The following FCHO2 variants were observed in gnomAD, a reference collection of about 807,000 sequenced individuals.
FCHO2 encodes the protein F-BAR domain only protein 2.
A neutral mutation model predicts 114.1 loss-of-function variants in FCHO2; 43 were observed. The ratio of observed to expected loss-of-function variants is 0.38; its 90% confidence interval spans 0.30 to 0.49. FCHO2 has a LOEUF of 0.49. FCHO2 is among the 20% of genes least tolerant of loss of function. The pLI is 0.97. For missense variants in FCHO2, 807 were observed against 950.4 expected, an observed-to-expected ratio of 0.85 and a Z score of 1.98; for synonymous variants, 293 against 315.2, an observed-to-expected ratio of 0.93 and a Z score of 0.75.
chr5:73,017,866 C>T (rs868614717), intron 8 of FCHO2, among the ~76,000 whole-genome samples: 10 of 152,082 alleles, frequency 6.6e-5, no homozygotes, highest in Admixed American at 3.3e-4. Flanking sequence ...TATAGGAATC[C>T]TGGCTCCTAT....
At chr5:73,004,284 T>C (rs1754599084) in intron 5 of FCHO2, among the ~76,000 whole-genome samples, 1 of 152,146 alleles carries the variant, frequency 6.6e-6, no homozygotes, top group South Asian at 2.1e-4. Context: ...TCCATTTCAT[T>C]TAGCTGTTAC....
At chr5:73,044,964 C>T (rs749757715) in intron 11 of FCHO2, among the ~76,000 whole-genome samples, 16 of 152,042 alleles carry the variant, frequency 1.1e-4, no homozygotes, top group Admixed American at 2.0e-4. Flanking sequence ...GTAATGGGTA[C>T]GTTTTTATTA....
At chr5:73,025,854 A>G (rs867940563) in intron 8 of FCHO2, among the ~76,000 whole-genome samples, 6 of 152,174 alleles carry the variant, frequency 3.9e-5, no homozygotes, top group South Asian at 4.1e-4. Context: ...CTAACCTTCA[A>G]TTGTTTTATA....
intron 5 of FCHO2, among the ~76,000 whole-genome samples, chr5:72,999,362 TC>T (rs1053482398): frequency 1.3e-5 from 2 of 150,184 alleles, no homozygotes; most frequent in African/African-American, 4.9e-5. Context: ...GTTATCTCAT[TC>T]ACTCATTCAC....
chr5:72,957,502 T>C (rs886232342), intron 1 of FCHO2, among the ~76,000 whole-genome samples: 1 of 152,234 alleles, frequency 6.6e-6, no homozygotes, highest in Admixed American at 6.5e-5. Flanking sequence ...AGCATAATGT[T>C]CTCAAAGTTT....
At chr5:72,976,159 T>G (rs2112626993) in intron 2 of FCHO2, among the ~76,000 whole-genome samples, 1 of 152,332 alleles carries the variant, frequency 6.6e-6, no homozygotes, top group South Asian at 2.1e-4. Context: ...TTCTAGATTT[T>G]GGCTGTTCCA....
At chr5:73,048,030 T>C (rs1247366415) in intron 11 of FCHO2, among the ~76,000 whole-genome samples, 1 of 152,146 alleles carries the variant, frequency 6.6e-6, no homozygotes, top group African/African-American at 2.4e-5. Flanking sequence ...AGATGAGATA[T>C]GACTATATTG....
At chr5:73,015,828 CGAATT>C in intron 7 of FCHO2, 104 bp downstream of exon 7, 2 of 518,782 alleles carry the variant, frequency 3.9e-6, no homozygotes, top group African/African-American at 2.0e-5. Context: ...AGTATAATAC[CGAATT>C]TTTCCAAATA....
At chr5:73,056,044 A>G (rs1209449165) in intron 15 of FCHO2, 21 bp from the exon 16 acceptor site, 1 of 1,449,888 alleles carries the variant, frequency 6.9e-7, no homozygotes. Context: ...TGAAGTTTTC[A>G]TATTTTAATT....
chr5:73,051,280 A>G (rs2112834324), intron 11 of FCHO2, 69 bp from the exon 12 acceptor site: 1 of 1,067,090 alleles, frequency 9.4e-7, no homozygotes, highest in East Asian at 2.7e-5. Context: ...ACCTGAGGCT[A>G]CTTTGATAAT....
At chr5:73,082,658 G>T (rs1743158904) in intron 23 of FCHO2, 103 bp from the exon 24 acceptor site, 2 of 880,934 alleles carry the variant, frequency 2.3e-6, no homozygotes. Context: ...CAATATATTT[G>T]TTGTAGTGAA....
chr5:72,964,007 C>G (rs185088226), intron 1 of FCHO2, among the ~76,000 whole-genome samples: 1 of 135,062 alleles, frequency 7.4e-6, no homozygotes, highest in South Asian at 2.5e-4. Context: ...CCTTCTGTCT[C>G]TTTGTAGGCA....
chr5:72,995,156 CTG>C (rs2112680688), intron 5 of FCHO2, among the ~76,000 whole-genome samples: 1 of 152,056 alleles, frequency 6.6e-6, no homozygotes, highest in Admixed American at 6.6e-5. Flanking sequence ...AAACAGAAAA[CTG>C]AAAATAATTT....
In FCHO2 at chr5:72,990,623, T is replaced by G. The variant is rs1414962084; in HGVS notation, c.342+4T>G. 2.0e-6 allele frequency: 3 copies of G among 1,527,766 alleles called. No individual in the cohort carries two copies. The South Asian group carries it at 3.8e-5, about 19-fold the overall frequency. 94.6% of individuals were successfully genotyped at this position (1,527,766 alleles called of 1,614,324 possible). A position where few individuals can be genotyped will look rare whatever the true frequency, so the allele number is the denominator to read the frequency against. On this transcript the variant is annotated splice_donor_region_variant and intron_variant, in intron 4 of 25. Coordinates refer to ENST00000430046, the MANE Select transcript of FCHO2 (RefSeq NM_138782.3). ...ACAAGTAAAGTCTCATAAAAAGGTA[T>G]CAGTTTTTTTCTTGTTAAATAATTG...
Position 73,061,219 on chromosome 5 carries a change from A to G in FCHO2, c.1346-2622A>G, listed in dbSNP as rs574587038. On this transcript the variant is annotated intron_variant, in intron 17 of 25. Transcript: ENST00000430046. ...GATCTTGTACTGACTATAAATAGTTACCTTTGCTCCTCTGGGAAAACAGGA... is the reference window on the plus strand; with the variant it reads ...GATCTTGTACTGACTATAAATAGTTGCCTTTGCTCCTCTGGGAAAACAGGA... Among the ~76,000 whole-genome samples, 22 of 152,156 alleles carry G rather than the reference A, an allele frequency of 1.4e-4. No homozygotes were observed. In the South Asian group the frequency reaches 3.9e-3, roughly 27 times the overall value.
At chr5:72,990,428 T>G in intron 3 of FCHO2, 50 bp from the exon 4 acceptor site, 9 of 1,398,046 alleles carry the variant, frequency 6.4e-6, no homozygotes, top group Non-Finnish European at 7.6e-6. Context: ...AGAACCTTAA[T>G]TTTCTTTTTT....
chr5:73,089,133 A>G lies in FCHO2; in HGVS notation c.*1043A>G, dbSNP rs1025570623. The G allele has an allele frequency of 6.6e-6, 1 of 152,558 alleles. No homozygotes were observed. Among genetic ancestry groups the G allele is most frequent in the African/African-American group, 2.4e-5 (1 of 41,444 alleles). The allele number at this position is 152,558 out of a possible 1,614,324, so 9.5% of individuals were successfully genotyped here. ...ATGGCATGTGTTTACAGGAAGAAAG[A>G]TTACCTTCAGATACTTGACATTAAC... On this transcript the variant is annotated 3_prime_UTR_variant, in exon 26 of 26. Transcript: ENST00000430046.
At chr5:73,031,221 A>G (rs912814025) in intron 8 of FCHO2, among the ~76,000 whole-genome samples, 32 of 152,166 alleles carry the variant, frequency 2.1e-4, no homozygotes, top group Non-Finnish European at 4.4e-5. Flanking sequence ...ATTGATTTCC[A>G]TTGTTATGAG....
At chr5:72,992,227 A>T (rs775752516) in intron 5 of FCHO2, among the ~76,000 whole-genome samples, 8 of 152,188 alleles carry the variant, frequency 5.3e-5, no homozygotes, top group Non-Finnish European at 1.0e-4. Context: ...AAAAAAATGA[A>T]TTTGGAGCAA....
Sources: allele counts gnomAD v4.1 joint callset (sites outside exome capture counted in the v4.1 genomes callset), GRCh38; gene constraint gnomAD v4.1.1; transcripts MANE v1.5; gene names NCBI Gene and HGNC (gene_info 2026-07-23, HGNC 2026-07-21).